Variants in CELF2 observed in about 807,000 individuals in gnomAD.
CELF2 encodes the protein CUGBP Elav-like family member 2, also known as CUG triplet repeat RNA-binding protein 2.
CELF2 carries 8 observed loss-of-function variants against 62.6 expected under a neutral mutation model. The observed-to-expected ratio is 0.13, with a 90% confidence interval of 0.07 to 0.23. The LOEUF is 0.23. Among genes scored for constraint, CELF2 ranks in the 10% least tolerant of loss-of-function variants. CELF2 has a pLI of 1.00. For missense variants in CELF2, 333 were observed against 671.0 expected (o/e 0.50, Z 5.56); for synonymous variants, 258 against 250.0 (o/e 1.03, Z -0.30).
chr10:10,890,325 G>A (rs888528346), intron 1 of CELF2, among the ~76,000 whole-genome samples: 4 of 152,136 alleles, frequency 2.6e-5, no homozygotes, highest in Non-Finnish European at 4.4e-5. Flanking sequence ...AGAAAGGAAG[G>A]CCCACAGACT....
intron 1 of CELF2, among the ~76,000 whole-genome samples, chr10:11,063,565 A>G: frequency 6.6e-6 from 1 of 152,260 alleles, no homozygotes; most frequent in East Asian, 1.9e-4. Flanking sequence ...AGGTTTATTC[A>G]TACTCAATAA....
At chr10:10,754,061 G>GGTTTTTTTTTTTTTT in the CELF2 span, among the ~76,000 whole-genome samples, 4 of 85,056 alleles carry the variant, frequency 4.7e-5, no homozygotes, top group Non-Finnish European at 6.6e-5. Flanking sequence ...TGCTGAGGTG[G>GGTTTTTTTTTTTTTT]TTTTTTTTTT....
At chr10:11,112,763 G>C (rs552530368) in intron 1 of CELF2, among the ~76,000 whole-genome samples, 3 of 152,260 alleles carry the variant, frequency 2.0e-5, no homozygotes, top group African/African-American at 7.2e-5. Flanking sequence ...GGTATGGCAA[G>C]TGCAAACTAA....
chr10:11,252,459 A>G (rs1259021031), intron 4 of CELF2, among the ~76,000 whole-genome samples: 2 of 152,250 alleles, frequency 1.3e-5, no homozygotes, highest in African/African-American at 2.4e-5. Context: ...GCTGAGCCAG[A>G]AAGAGCTGCT....
chr10:10,920,123 C>A, intron 2 of CELF2: 1 of 595,528 alleles, frequency 1.7e-6, no homozygotes, highest in Non-Finnish European at 2.5e-6. Context: ...TTTGATACCT[C>A]ATACATCACC....
the CELF2 span, among the ~76,000 whole-genome samples, chr10:10,598,320 T>C: frequency 6.6e-6 from 1 of 152,220 alleles, no homozygotes; most frequent in Non-Finnish European, 1.5e-5. Flanking sequence ...GATAGACGTC[T>C]GTCAGTCATC....
chr10:10,993,125 A>T lies in CELF2; in HGVS notation c.89+73126A>T, dbSNP rs918740067. ...ATTGCAGGGCCAGCTGCTGTTTCCC[A>T]CCGAAGAGGCGAGTCAGCAGATCAG... On this transcript the variant is annotated intron_variant, in intron 2 of 13. Transcript: ENST00000636488. This position sits in a 1 kb window ranked among gnomAD's most constrained non-coding sequence, Gnocchi z 5.3. 2.0e-5 allele frequency among the ~76,000 whole-genome samples: 3 copies of T among 152,138 alleles called. No homozygotes were observed. The highest frequency in any genetic ancestry group is 4.4e-5 in the Non-Finnish European group (3 of 68,016).
rs2095420593 is a variant in CELF2 at position 11,321,154 on chromosome 10, T to C, written c.1097-35T>C. 1 of 1,604,670 alleles carries C rather than the reference T, an allele frequency of 6.2e-7. No homozygotes were observed. The highest frequency in any genetic ancestry group is 8.5e-7 in the Non-Finnish European group (1 of 1,171,642). On this transcript the variant is annotated intron_variant, in intron 10 of 12. Transcript: ENST00000633077. The surrounding 1 kb of genome is among the most constrained non-coding windows in gnomAD (Gnocchi z 6.2). Reference sequence around the variant, plus strand: ...TTGGAAAGCACTAATGAATAAGTGCTGTTTCTCTTCTCTATTGTTGGGTTT... The same window carrying C: ...TTGGAAAGCACTAATGAATAAGTGCCGTTTCTCTTCTCTATTGTTGGGTTT...
At chr10:11,082,863 T>A (rs1182574391) in intron 1 of CELF2, among the ~76,000 whole-genome samples, 1 of 152,180 alleles carries the variant, frequency 6.6e-6, no homozygotes, top group Non-Finnish European at 1.5e-5. Context: ...AGCAAAATGG[T>A]CAGAATTTGT....
intron 5 of CELF2, among the ~76,000 whole-genome samples, chr10:11,259,888 T>G (rs185336507): frequency 1.3e-5 from 2 of 152,320 alleles, no homozygotes; most frequent in Non-Finnish European, 2.9e-5. Context: ...GTGATTCCTT[T>G]TCTGGTGCCA....
At chr10:10,559,876 G>C in the CELF2 span, among the ~76,000 whole-genome samples, 1 of 152,126 alleles carries the variant, frequency 6.6e-6, no homozygotes, top group Non-Finnish European at 1.5e-5. Flanking sequence ...AGCAGCTCTA[G>C]GAGTATAAAA....
At position 11,159,114 on chromosome 10, in the gene CELF2, C is replaced by T. The variant is rs1021970870; in HGVS notation, c.75-6372C>T. Among the ~76,000 whole-genome samples the T allele has an allele frequency of 1.3e-5, 2 of 152,198 alleles. No individual in the cohort carries two copies. Among genetic ancestry groups the T allele is most frequent in the African/African-American group, 4.8e-5 (2 of 41,444 alleles). On this transcript the variant is annotated intron_variant, in intron 1 of 12. Transcript: ENST00000633077. This position sits in a 1 kb window ranked among gnomAD's most constrained non-coding sequence, Gnocchi z 5.0. Reference sequence around the variant, plus strand: ...GATTCACTAGCTGATGTGTGGCCATCTCAGAGATGGTTTGGGGCCTCATTC... The same window carrying T: ...GATTCACTAGCTGATGTGTGGCCATTTCAGAGATGGTTTGGGGCCTCATTC...
chr10:10,737,430 T>C, the CELF2 span, among the ~76,000 whole-genome samples: 1 of 152,146 alleles, frequency 6.6e-6, no homozygotes. Flanking sequence ...TATGTTCTCC[T>C]TATCTTGGGT....
intron 1 of CELF2, among the ~76,000 whole-genome samples, chr10:10,847,024 G>A (rs1014588680): frequency 6.6e-6 from 1 of 152,082 alleles, no homozygotes; most frequent in Non-Finnish European, 1.5e-5. Flanking sequence ...GACTTGATAT[G>A]TAATTTTGAT....
chr10:11,188,633 G>T (rs1460694323), intron 2 of CELF2, among the ~76,000 whole-genome samples: 1 of 151,766 alleles, frequency 6.6e-6, no homozygotes, highest in Non-Finnish European at 1.5e-5. Context: ...TGTATTTCTT[G>T]TACTTGGAGT....
chr10:10,767,951 G>C, the CELF2 span, among the ~76,000 whole-genome samples: 8 of 86,932 alleles, frequency 9.2e-5, no homozygotes, highest in South Asian at 2.4e-3. Context: ...AGCCGAGATC[G>C]CGCCACTGCA....
chr10:10,772,856 C>T, the CELF2 span, among the ~76,000 whole-genome samples: 11 of 152,148 alleles, frequency 7.2e-5, no homozygotes, highest in Non-Finnish European at 1.3e-4. Flanking sequence ...ACTATTTGAA[C>T]ATCTTTAAAA....
chr10:11,201,871 ATT>A (rs2059295015), intron 2 of CELF2, among the ~76,000 whole-genome samples: 1 of 152,110 alleles, frequency 6.6e-6, no homozygotes, highest in Non-Finnish European at 1.5e-5. Context: ...GTAAGAGGTG[ATT>A]AGATTGTAGA....
chr10:10,511,023 G>T, the CELF2 span, among the ~76,000 whole-genome samples: 1 of 152,234 alleles, frequency 6.6e-6, no homozygotes. Flanking sequence ...GGGCCCCATA[G>T]GCCTGCCTGG....
Sources: gnomAD v4.1 joint callset for allele counts (sites outside exome capture counted in the v4.1 genomes callset) on GRCh38, gnomAD v4.1.1 for gene constraint, Gnocchi (gnomAD v3.1) non-coding constraint, MANE v1.5 for transcripts, NCBI Gene and HGNC (gene_info 2026-07-23, HGNC 2026-07-21) for gene names.